Variants in SLC9A5 observed in about 807,000 individuals in gnomAD.
SLC9A5 encodes sodium/hydrogen exchanger 5.
SLC9A5 carries 52 observed loss-of-function variants against 91.7 expected under a neutral mutation model. The ratio of observed to expected loss-of-function variants is 0.57; its 90% CI spans 0.45 to 0.71. The LOEUF is 0.71. Among genes scored for constraint, SLC9A5 ranks in the 30% least tolerant of loss-of-function variants. SLC9A5 has a pLI of 0.00. For synonymous variants in SLC9A5, 419 were observed against 474.5 expected, an observed-to-expected ratio of 0.88 and a Z score of 1.52; for missense variants, 871 against 1,158.9, an observed-to-expected ratio of 0.75 and a Z score of 3.61.
Position 67,256,491 on chromosome 16 carries a change from T to C in SLC9A5, c.934T>C (p.Cys312Arg). Residue 312 changes from cysteine (C) to arginine (R), a missense_variant, in exon 6 of 16, where the codon TGT becomes CGT. Cys to Arg is a radical substitution (Grantham distance 180). Around this residue, in one of 3 missense-constraint regions of SLC9A5, gnomAD observed 454 missense variants for 718.3 expected, o/e 0.63. Coordinates refer to ENST00000299798, the MANE Select transcript of SLC9A5 (RefSeq NM_004594.3). This position sits in a 1 kb window ranked among gnomAD's most constrained non-coding sequence, Gnocchi z 4.1. ...CAGGGTGACCATGTGTGGCCTGGGC[T>C]GTAAGAAGTACGTGGAGGCCAACAT... ...ILAVTMCGLG[C>R]KKYVEANISH... The C allele has an allele frequency of 3.7e-6, 6 of 1,611,742 alleles. No homozygotes were observed. Among genetic ancestry groups the C allele is most frequent in the Non-Finnish European group, 5.1e-6 (6 of 1,179,896 alleles).
chr16:67,252,837 A>T lies in SLC9A5; in HGVS notation c.483A>T (p.Gly161=). ...GAALWGLQQA[G]LVAPRVQAGL... Reference sequence around the variant, plus strand: ...CCCTCTGGGGCTTGCAGCAGGCTGGACTTGTAGGTGAGTGACCCTAAGACC... The same window carrying T: ...CCCTCTGGGGCTTGCAGCAGGCTGGTCTTGTAGGTGAGTGACCCTAAGACC... The change falls in exon 2 of 16, where the codon GGA becomes GGT. Residue 161 remains glycine, a synonymous_variant. Coordinates refer to ENST00000299798, the MANE Select transcript of SLC9A5 (RefSeq NM_004594.3). The surrounding 1 kb of genome is among the most constrained non-coding windows in gnomAD (Gnocchi z 4.0). The T allele has an allele frequency of 3.1e-6, 5 of 1,611,574 alleles. No individual in the cohort carries two copies. The highest frequency in any genetic ancestry group is 4.2e-6 in the Non-Finnish European group (5 of 1,179,668).
In SLC9A5 at chr16:67,255,691, G is replaced by A. The variant is rs1333668683; in HGVS notation, c.734-62G>A. 3 of 1,502,562 alleles carry A rather than the reference G, an allele frequency of 2.0e-6. No individual in the cohort carries two copies. The highest frequency in any genetic ancestry group is 2.7e-6 in the Non-Finnish European group (3 of 1,114,436). 93.1% of individuals were successfully genotyped at this position (1,502,562 alleles called of 1,614,324 possible). A position where few individuals can be genotyped will look rare whatever the true frequency, so the allele number is the denominator to read the frequency against. On this transcript the variant is annotated intron_variant, in intron 4 of 15. Coordinates refer to ENST00000299798, the MANE Select transcript of SLC9A5 (RefSeq NM_004594.3). This position sits in a 1 kb window ranked among gnomAD's most constrained non-coding sequence, Gnocchi z 4.9. ...ATCCCTCACTCCCTGCCAGGCAGCA[G>A]TCTTGTCAGCCCGGGTAGGGTCCGG...
chr16:67,266,867 T>TTA (rs397970933), intron 15 of SLC9A5, among the ~76,000 whole-genome samples: 1 of 142,736 alleles, frequency 7.0e-6, no homozygotes, highest in African/African-American at 2.8e-5. Flanking sequence ...TTTTTTTTTT[T>TTA]AAATGCCATT....
In SLC9A5 at chr16:67,257,005, G is replaced by A; in HGVS notation, c.1227G>A (p.Gly409=). The A allele has an allele frequency of 6.2e-7, 1 of 1,614,068 alleles. No homozygotes were observed. Among genetic ancestry groups the A allele is most frequent in the Non-Finnish European group, 8.5e-7 (1 of 1,180,026 alleles). ...TGATGTCCTATGGGGGCCTGCGGGG[G>A]GCTGTGGCCTTTGCTCTCGTCATCC... is the stretch of plus-strand genomic sequence containing the variant. The part of the protein sequence containing the change: ...QVVMSYGGLR[G]AVAFALVILL... The change falls in exon 7 of 16, where the codon GGG becomes GGA. Residue 409 remains glycine, a synonymous_variant. Coordinates refer to ENST00000299798, the MANE Select transcript of SLC9A5 (RefSeq NM_004594.3). The surrounding 1 kb of genome is among the most constrained non-coding windows in gnomAD (Gnocchi z 5.1).
chr16:67,264,954 A>G, intron 13 of SLC9A5, 86 bp from the exon 14 acceptor site: 1 of 1,408,816 alleles, frequency 7.1e-7, no homozygotes, highest in Non-Finnish European at 1.0e-6. Context: ...TGGGTTAGGA[A>G]AACTTGTCCT....
intron 2 of SLC9A5, among the ~76,000 whole-genome samples, chr16:67,254,628 C>T (rs1216470418): frequency 6.6e-6 from 1 of 152,208 alleles, no homozygotes; most frequent in Non-Finnish European, 1.5e-5. Context: ...AACTCCTGAC[C>T]TCAGGTGATC....
In SLC9A5 at chr16:67,270,607, G is replaced by C; in HGVS notation, c.2219-131G>C. On this transcript the variant is annotated intron_variant, in intron 15 of 15. Transcript: ENST00000299798. The surrounding 1 kb of genome is among the most constrained non-coding windows in gnomAD (Gnocchi z 4.3). ...AAACAAGCTGTGGTACTTCGCCTCA[G>C]CAAGACATTCATCCGATAATCGCAA... The C allele has an allele frequency of 7.6e-6, 5 of 658,462 alleles. No homozygotes were observed. Among genetic ancestry groups the C allele is most frequent in the Non-Finnish European group, 1.3e-5 (5 of 388,162 alleles). 40.8% of individuals were successfully genotyped at this position (658,462 alleles called of 1,614,324 possible).
At position 67,255,514 on chromosome 16, in the gene SLC9A5, C is replaced by G; in HGVS notation, c.733+43C>G. On this transcript the variant is annotated intron_variant, in intron 4 of 15. Coordinates refer to ENST00000299798, the MANE Select transcript of SLC9A5 (RefSeq NM_004594.3). This position sits in a 1 kb window ranked among gnomAD's most constrained non-coding sequence, Gnocchi z 4.9. Reference sequence around the variant, plus strand: ...CCCAGCTGGCATTGGAGGTCTGCCTCCCCTGGGTTGCTGAGGCCCTCCCAC... The same window carrying G: ...CCCAGCTGGCATTGGAGGTCTGCCTGCCCTGGGTTGCTGAGGCCCTCCCAC... 6.3e-7 allele frequency: 1 copy of G among 1,596,866 alleles called. No homozygotes were observed. Among genetic ancestry groups the G allele is most frequent in the Non-Finnish European group, 8.6e-7 (1 of 1,164,582 alleles).
chr16:67,264,397 G>T lies in SLC9A5; in HGVS notation c.1888G>T (p.Glu630Ter). ...CCACTTCATCTCAGAGGATGCGCAG[G>T]AGCGGCAGGACAAGGAGGTCTTCCA... is the stretch of plus-strand genomic sequence containing the variant. ...SRHFISEDAQ[E>*]RQDKEVFQQN... Residue 630 changes from glutamate to a stop codon, truncating the protein, a stop_gained, in exon 13 of 16, where the codon GAG becomes TAG. Coordinates refer to ENST00000299798, the MANE Select transcript of SLC9A5 (RefSeq NM_004594.3). LOFTEE classifies it high-confidence loss of function. The T allele has an allele frequency of 6.2e-7, 1 of 1,614,164 alleles. No homozygotes were observed. Among genetic ancestry groups the T allele is most frequent in the Non-Finnish European group, 8.5e-7 (1 of 1,180,012 alleles).
rs2035926500 is a variant in SLC9A5 at position 67,271,549 on chromosome 16, C to T, written c.*339C>T. Reference sequence around the variant, plus strand: ...CCCGGGGACTCTATAGGCAGCTGCTCCTGCCCGCAAAGCAAGAGCATCATT... The same window carrying T: ...CCCGGGGACTCTATAGGCAGCTGCTTCTGCCCGCAAAGCAAGAGCATCATT... On this transcript the variant is annotated 3_prime_UTR_variant, in exon 16 of 16. Coordinates refer to ENST00000299798, the MANE Select transcript of SLC9A5 (RefSeq NM_004594.3). 6.5e-6 allele frequency: 2 copies of T among 306,454 alleles called. No homozygotes were observed. 19.0% of individuals were successfully genotyped at this position (306,454 alleles called of 1,614,324 possible).
At chr16:67,262,433 G>C (rs2035562384) in intron 12 of SLC9A5, 5 of 341,688 alleles carry the variant, frequency 1.5e-5, no homozygotes, top group South Asian at 1.1e-4. Flanking sequence ...TTAATAGAGA[G>C]ATAAGGGCTG....
At chr16:67,261,382 G>A (rs550295217) in intron 12 of SLC9A5, 3 of 152,228 alleles carry the variant, frequency 2.0e-5, no homozygotes, top group Middle Eastern at 3.4e-3. Flanking sequence ...CCAGTAGAAC[G>A]AATAAAATAA....
chr16:67,249,187 G>A lies in SLC9A5; in HGVS notation c.173G>A (p.Ser58Asn). Residue 58 changes from serine to asparagine, a missense_variant, in exon 1 of 16, where the codon AGT becomes AAT. This residue lies in a region of SLC9A5 where 122 missense variants were observed against 114.5 expected (regional missense o/e 1.07). Transcript: ENST00000299798. ...GTGGCCCTGTGGATCCTGGTGGCCA[G>A]TCTGGCCAAAATCGGTGAGTGCGTG... ...YLVALWILVA[S>N]LAKIVFHLSR... 1 of 1,536,138 alleles carries A rather than the reference G, an allele frequency of 6.5e-7. No homozygotes were observed. Among genetic ancestry groups the A allele is most frequent in the African/African-American group, 1.4e-5 (1 of 71,190 alleles).
Position 67,257,021 on chromosome 16 carries a change from C to G in SLC9A5, c.1243C>G (p.Leu415Val). ...CCTGCGGGGGGCTGTGGCCTTTGCT[C>G]TCGTCATCCTACTGGATAGGACCAA... ...GGLRGAVAFALVILLDRTKVP... is the reference protein window; with the variant it reads ...GGLRGAVAFAVVILLDRTKVP... Residue 415 changes from leucine to valine, a missense_variant, in exon 7 of 16, where the codon CTC (leucine) becomes GTC (valine). Leu to Val is a conservative substitution (Grantham distance 32, BLOSUM62 1). Around this residue, in one of 3 missense-constraint regions of SLC9A5, gnomAD observed 454 missense variants for 718.3 expected, o/e 0.63. Transcript: ENST00000299798. This position sits in a 1 kb window ranked among gnomAD's most constrained non-coding sequence, Gnocchi z 5.1. 6 of 1,613,938 alleles carry G rather than the reference C, an allele frequency of 3.7e-6. No individual in the cohort carries two copies. The highest frequency in any genetic ancestry group is 4.2e-6 in the Non-Finnish European group (5 of 1,180,030).
In SLC9A5 at chr16:67,270,890, T is replaced by C; in HGVS notation, c.2371T>C (p.Trp791Arg). 6.2e-7 allele frequency: 1 copy of C among 1,614,032 alleles called. No individual in the cohort carries two copies. The highest frequency in any genetic ancestry group is 8.5e-7 in the Non-Finnish European group (1 of 1,179,988). The change falls in exon 16 of 16, where the codon TGG becomes CGG. Residue 791 changes from tryptophan to arginine, a missense_variant. Trp to Arg is a moderately radical substitution (Grantham distance 101). Coordinates refer to ENST00000299798, the MANE Select transcript of SLC9A5 (RefSeq NM_004594.3). The surrounding 1 kb of genome is among the most constrained non-coding windows in gnomAD (Gnocchi z 4.3). ...TGTGCCTGTGGACATGCAGACGGGTTGGAACCAGAGCATCTCATCCCTGGA... is the reference window on the plus strand; with the variant it reads ...TGTGCCTGTGGACATGCAGACGGGTCGGAACCAGAGCATCTCATCCCTGGA... ...KIVPVDMQTG[W>R]NQSISSLESL...
intron 10 of SLC9A5, 142 bp from the exon 11 acceptor site, chr16:67,259,431 C>A (rs972247559): frequency 3.4e-6 from 2 of 584,278 alleles, no homozygotes; most frequent in Non-Finnish European, 6.2e-6. Flanking sequence ...TTTGTGAATT[C>A]GATATGTAAA....
chr16:67,259,086 C>A (rs1307269567), intron 10 of SLC9A5, among the ~76,000 whole-genome samples: 2 of 151,942 alleles, frequency 1.3e-5, no homozygotes, highest in Non-Finnish European at 2.9e-5. Flanking sequence ...TAGTGAAACC[C>A]CGTCTCTACT....
chr16:67,269,599 TTTG>T (rs2035853289), intron 15 of SLC9A5, among the ~76,000 whole-genome samples: 2 of 152,184 alleles, frequency 1.3e-5, no homozygotes, highest in Non-Finnish European at 2.9e-5. Flanking sequence ...TTTTACACTT[TTTG>T]TTGTTGTTAT....
Position 67,264,470 on chromosome 16 carries a change from A to G in SLC9A5, c.1961A>G (p.Asn654Ser), listed in dbSNP as rs762468262. Residue 654 changes from asparagine to serine, a missense_variant, in exon 13 of 16, where the codon AAC becomes AGC. Coordinates refer to ENST00000299798, the MANE Select transcript of SLC9A5 (RefSeq NM_004594.3). The part of the protein sequence containing the change: ...RLESFKSTKH[N>S]ICFTKSKPRP... ...GAGTCCTTTAAGTCCACCAAGCACA[A>G]CATCTGCTTCACCAAGAGCAAGCCA... is the stretch of plus-strand genomic sequence containing the variant. The G allele has an allele frequency of 6.2e-7, 1 of 1,614,210 alleles. No individual in the cohort carries two copies. Among genetic ancestry groups the G allele is most frequent in the Admixed American group, 1.7e-5 (1 of 60,012 alleles).
Sources: gnomAD v4.1 joint callset for allele counts (sites outside exome capture counted in the v4.1 genomes callset) on GRCh38, gnomAD v4.1.1 for gene constraint, gnomAD v4.1.1 regional missense constraint, Gnocchi (gnomAD v3.1) non-coding constraint, MANE v1.5 for transcripts, NCBI Gene and HGNC (gene_info 2026-07-23, HGNC 2026-07-21) for gene names.